The following ARHGAP35 variants were observed in gnomAD, a reference collection of about 807,000 sequenced individuals.
ARHGAP35 encodes rho GTPase-activating protein 35.
Under a neutral mutation model 111.1 loss-of-function variants are expected in ARHGAP35, and 15 were observed. The ratio of observed to expected loss-of-function variants is 0.13; its 90% CI spans 0.09 to 0.21. The LOEUF is 0.21. Ranked by LOEUF, ARHGAP35 falls within the 10% of genes least tolerant of loss-of-function variation. The pLI is 1.00. For synonymous variants in ARHGAP35, 643 were observed against 710.3 expected (o/e 0.91, Z 1.51); for missense variants, 1,262 against 1,873.0 (o/e 0.67, Z 6.02).
At chr19:46,965,466 TTTTG>T (rs146545859) in intron 3 of ARHGAP35, among the ~76,000 whole-genome samples, 54,998 of 150,092 alleles carry the variant, frequency 0.37, 10,149 homozygotes, top group Middle Eastern at 0.51. Context: ...TTCTTGGGTT[TTTTG>T]TTTGTTTGTT....
At chr19:46,923,504 G>A (rs2056218826) in intron 2 of ARHGAP35, among the ~76,000 whole-genome samples, 1 of 151,956 alleles carries the variant, frequency 6.6e-6, no homozygotes, top group Non-Finnish European at 1.5e-5. Context: ...TTGGGTTTAG[G>A]CTTTGAGAAA....
Position 46,989,407 on chromosome 19 carries a change from A to T in ARHGAP35, c.3905-137A>T. ...ACTCGCGTTAGCGCTCACAAGTCCC[A>T]CCCCTCCAATCCTTGCCAGTCCTGA... On this transcript the variant is annotated intron_variant, in intron 4 of 6. Transcript: ENST00000672722. This position sits in a 1 kb window ranked among gnomAD's most constrained non-coding sequence, Gnocchi z 5.3. The T allele has an allele frequency of 6.1e-6, 7 of 1,154,740 alleles. No homozygotes were observed. Among genetic ancestry groups the T allele is most frequent in the Non-Finnish European group, 8.4e-6 (7 of 829,314 alleles). The allele number at this position is 1,154,740 out of a possible 1,614,324, so 71.5% of individuals were successfully genotyped here. A position where few individuals can be genotyped will look rare whatever the true frequency, so the allele number is the denominator to read the frequency against.
chr19:46,970,908 C>T (rs2056543523), intron 3 of ARHGAP35, among the ~76,000 whole-genome samples: 1 of 152,140 alleles, frequency 6.6e-6, no homozygotes, highest in Non-Finnish European at 1.5e-5. Context: ...CCTGTGAGTC[C>T]ATGGGCCCCA....
At chr19:46,968,732 C>T (rs2056528779) in intron 3 of ARHGAP35, among the ~76,000 whole-genome samples, 1 of 152,188 alleles carries the variant, frequency 6.6e-6, no homozygotes, top group Non-Finnish European at 1.5e-5. Context: ...CACAAGATCA[C>T]ATGGCCCATG....
rs1040337182 is a variant in ARHGAP35 at position 46,919,197 on chromosome 19, T to C, written c.522T>C (p.Phe174=). 1 of 1,613,988 alleles carries C rather than the reference T, an allele frequency of 6.2e-7. No homozygotes were observed. The highest frequency in any genetic ancestry group is 8.5e-7 in the Non-Finnish European group (1 of 1,179,892). Reference sequence around the variant, plus strand: ...TTAGCAGGGGCATGAATAGGAACTTTGATGACCAGCTCAAGTTTGTCTCCA... The same window carrying C: ...TTAGCAGGGGCATGAATAGGAACTTCGATGACCAGCTCAAGTTTGTCTCCA... ...IDVSRGMNRN[F]DDQLKFVSNL... Residue 174 remains phenylalanine (F), a synonymous_variant, in exon 2 of 7, where the codon TTT becomes TTC. Coordinates refer to ENST00000672722, the MANE Select transcript of ARHGAP35 (RefSeq NM_004491.5). The surrounding 1 kb of genome is among the most constrained non-coding windows in gnomAD (Gnocchi z 6.2).
At chr19:46,960,521 T>C (rs1171927404) in intron 3 of ARHGAP35, among the ~76,000 whole-genome samples, 1 of 152,130 alleles carries the variant, frequency 6.6e-6, no homozygotes, top group Non-Finnish European at 1.5e-5. Context: ...AGAGAACAGA[T>C]TGGAGAAAAA....
chr19:46,961,471 A>G (rs1359876797), intron 3 of ARHGAP35, among the ~76,000 whole-genome samples: 1 of 152,222 alleles, frequency 6.6e-6, no homozygotes, highest in African/African-American at 2.4e-5. Flanking sequence ...TAAAATGGTA[A>G]TATGTTAGAA....
At chr19:46,954,977 G>A (rs568142386) in intron 3 of ARHGAP35, among the ~76,000 whole-genome samples, 3 of 152,294 alleles carry the variant, frequency 2.0e-5, no homozygotes, top group African/African-American at 4.8e-5. Flanking sequence ...TTACTTCTCC[G>A]TAACCCATGA....
chr19:46,944,442 A>G (rs917334689), intron 3 of ARHGAP35, among the ~76,000 whole-genome samples: 5 of 152,200 alleles, frequency 3.3e-5, no homozygotes, highest in African/African-American at 7.2e-5. Flanking sequence ...CTTCCTGCTA[A>G]TGCTAGTCCC....
intron 3 of ARHGAP35, chr19:46,947,928 G>A (rs568362042): frequency 2.6e-5 from 4 of 152,316 alleles, no homozygotes; most frequent in East Asian, 1.9e-4. Context: ...GAAGAGATGT[G>A]GGTAGGGCGA....
chr19:46,896,710 T>C (rs937339850), intron 1 of ARHGAP35, among the ~76,000 whole-genome samples: 1 of 152,204 alleles, frequency 6.6e-6, no homozygotes, highest in Non-Finnish European at 1.5e-5. Flanking sequence ...ACGAGTCTCT[T>C]GACCTCTGCA....
rs2055823569 is a variant in ARHGAP35 at position 46,861,102 on chromosome 19, CGCCGCCTCAGCCGCCGCT to C, written c.-294_-277del. Among the ~76,000 whole-genome samples the C allele has an allele frequency of 6.6e-6, 1 of 151,398 alleles. No homozygotes were observed. Among genetic ancestry groups the C allele is most frequent in the South Asian group, 2.1e-4 (1 of 4,808 alleles). On this transcript the variant is annotated 5_prime_UTR_variant, in exon 1 of 7. Coordinates refer to ENST00000672722, the MANE Select transcript of ARHGAP35 (RefSeq NM_004491.5). ...GGCCCCCCGCCGCCGGAGCCGCCGC[CGCCGCCTCAGCCGCCGCT>C]GGACTAGGAGCAGGGGAACATGGCG...
chr19:46,995,187 C>T (rs1324218457), intron 5 of ARHGAP35, among the ~76,000 whole-genome samples: 2 of 152,082 alleles, frequency 1.3e-5, no homozygotes, highest in East Asian at 1.9e-4. Context: ...GAGGCCAAGG[C>T]GGGCAGATCA....
rs900225433 is a variant in ARHGAP35, at chr19:46,861,082, C to G, written c.-316C>G. ...CCGCGAGGGAGGGTCCGCCCGGCCC[C>G]CCGCCGCCGGAGCCGCCGCCGCCGC... is the stretch of plus-strand genomic sequence containing the variant. On this transcript the variant is annotated 5_prime_UTR_variant, in exon 1 of 7. Transcript: ENST00000672722. Among the ~76,000 whole-genome samples, 1 of 148,500 alleles carries G rather than the reference C, an allele frequency of 6.7e-6. No homozygotes were observed. Among genetic ancestry groups the G allele is most frequent in the Non-Finnish European group, 1.5e-5 (1 of 67,548 alleles).
rs538521861 is a variant in ARHGAP35, at chr19:46,877,016, G to A, written c.-189+15807G>A. Reference sequence around the variant, plus strand: ...TGTAATCCCAGCACTTTGGGAGGCCGAGGCGGGTGGATCACCTCAGGTCAG... The same window carrying A: ...TGTAATCCCAGCACTTTGGGAGGCCAAGGCGGGTGGATCACCTCAGGTCAG... On this transcript the variant is annotated intron_variant, in intron 1 of 6. Coordinates refer to ENST00000672722, the MANE Select transcript of ARHGAP35 (RefSeq NM_004491.5). Among the ~76,000 whole-genome samples, 21 of 151,984 alleles carry A rather than the reference G, an allele frequency of 1.4e-4. No individual in the cohort carries two copies. The South Asian group carries it at 3.5e-3, about 26-fold the overall frequency.
At position 46,963,764 on chromosome 19, in the gene ARHGAP35, C is replaced by T. The variant is rs973036100; in HGVS notation, c.3827-24225C>T. ...CATGGGACTTAATCGGTGTCCTCCACGTAGTATGCTTTAATAATGGTTTAT... is the reference window on the plus strand; with the variant it reads ...CATGGGACTTAATCGGTGTCCTCCATGTAGTATGCTTTAATAATGGTTTAT... On this transcript the variant is annotated intron_variant, in intron 3 of 6. Coordinates refer to ENST00000672722, the MANE Select transcript of ARHGAP35 (RefSeq NM_004491.5). Among the ~76,000 whole-genome samples the T allele has an allele frequency of 5.3e-5, 8 of 152,326 alleles. No individual in the cohort carries two copies. The East Asian group carries it at 1.2e-3, about 22-fold the overall frequency.
chr19:46,923,149 C>A (rs2056214210), intron 2 of ARHGAP35, among the ~76,000 whole-genome samples: 1 of 148,194 alleles, frequency 6.7e-6, no homozygotes, highest in South Asian at 2.1e-4. Flanking sequence ...CAGTCACCCA[C>A]GCTAGAGTGC....
chr19:46,997,115 C>T (rs1012432554), intron 5 of ARHGAP35, among the ~76,000 whole-genome samples: 1 of 152,144 alleles, frequency 6.6e-6, no homozygotes, highest in Non-Finnish European at 1.5e-5. Flanking sequence ...TGAGATCACG[C>T]CACTGCACTC....
chr19:46,939,693 G>A (rs989189437), intron 3 of ARHGAP35, among the ~76,000 whole-genome samples: 11 of 152,144 alleles, frequency 7.2e-5, no homozygotes, highest in African/African-American at 1.4e-4. Flanking sequence ...GATTACAGGC[G>A]TGAGCCACCA....
Sources: gnomAD v4.1 joint callset for allele counts (sites outside exome capture counted in the v4.1 genomes callset) on GRCh38, gnomAD v4.1.1 for gene constraint, Gnocchi (gnomAD v3.1) non-coding constraint, MANE v1.5 for transcripts, NCBI Gene and HGNC (gene_info 2026-07-23, HGNC 2026-07-21) for gene names.